The following ANKS1B variants were observed in gnomAD, a reference collection of about 807,000 sequenced individuals.
ANKS1B encodes ankyrin repeat and sterile alpha motif domain-containing protein 1B.
Under a neutral mutation model 148.3 loss-of-function variants are expected in ANKS1B, and 36 were observed. The observed-to-expected ratio is 0.24, with a 90% CI of 0.19 to 0.32. ANKS1B has a LOEUF of 0.32. Among genes scored for constraint, ANKS1B ranks in the 10% least tolerant of loss-of-function variants. The probability of loss-of-function intolerance (pLI) is 1.00; values close to 1 mark genes in which losing one functional copy is unlikely to be tolerated. For synonymous variants in ANKS1B, 542 were observed against 560.8 expected, an observed-to-expected ratio of 0.97 and a Z score of 0.47; for missense variants, 1,157 against 1,542.6, an observed-to-expected ratio of 0.75 and a Z score of 4.19.
chr12:99,088,233 T>C (rs2052647782), intron 15 of ANKS1B, among the ~76,000 whole-genome samples: 1 of 152,090 alleles, frequency 6.6e-6, no homozygotes. Flanking sequence ...GCCAAAAATA[T>C]CCTAGTACAT....
At chr12:98,974,138 C>T (rs143308094) in intron 17 of ANKS1B, among the ~76,000 whole-genome samples, 70 of 152,240 alleles carry the variant, frequency 4.6e-4, no homozygotes, top group African/African-American at 1.6e-3. Flanking sequence ...ATTTTGACTT[C>T]TTAACTCGAA....
At chr12:99,389,838 G>A (rs76654336) in intron 12 of ANKS1B, among the ~76,000 whole-genome samples, 5 of 152,192 alleles carry the variant, frequency 3.3e-5, no homozygotes, top group Admixed American at 2.0e-4. Flanking sequence ...AAACTACTGC[G>A]CCCTTGCCTC....
intron 2 of ANKS1B, among the ~76,000 whole-genome samples, chr12:99,824,431 C>T (rs2082903223): frequency 1.3e-5 from 2 of 151,002 alleles, no homozygotes; most frequent in Admixed American, 6.6e-5. Flanking sequence ...ATCCAGGAGG[C>T]GGAGGTTGCA....
chr12:99,352,913 T>C (rs900317889), intron 12 of ANKS1B, among the ~76,000 whole-genome samples: 2 of 152,042 alleles, frequency 1.3e-5, no homozygotes, highest in Non-Finnish European at 2.9e-5. Flanking sequence ...TCAATAACTT[T>C]TAAAAACTAA....
At chr12:99,811,875 A>G (rs2068418232) in intron 3 of ANKS1B, among the ~76,000 whole-genome samples, 1 of 151,852 alleles carries the variant, frequency 6.6e-6, no homozygotes, top group Non-Finnish European at 1.5e-5. Flanking sequence ...TAAATATTCA[A>G]TGGCTATAAA....
chr12:99,805,247 T>C (rs1236793812), intron 4 of ANKS1B, among the ~76,000 whole-genome samples: 4 of 50,806 alleles, frequency 7.9e-5, no homozygotes, highest in Admixed American at 3.0e-4. Flanking sequence ...GAAATAACCA[T>C]GAAAGGAGGA....
intron 14 of ANKS1B, among the ~76,000 whole-genome samples, chr12:99,190,673 C>T (rs537909310): frequency 6.6e-6 from 1 of 152,236 alleles, no homozygotes; most frequent in East Asian, 1.9e-4. Flanking sequence ...CCCTTCCTTA[C>T]ACCTTATACA....
At chr12:98,899,095 T>C (rs2099768701) in intron 17 of ANKS1B, among the ~76,000 whole-genome samples, 1 of 152,200 alleles carries the variant, frequency 6.6e-6, no homozygotes, top group South Asian at 2.1e-4. Flanking sequence ...TTTAGAGGAA[T>C]AGGATTTTAA....
chr12:99,609,592 G>A (rs1233960513), intron 9 of ANKS1B, among the ~76,000 whole-genome samples: 1 of 151,468 alleles, frequency 6.6e-6, no homozygotes, highest in African/African-American at 2.4e-5. Context: ...AAAACAGAGA[G>A]CATTCAGGGA....
At chr12:98,880,104 C>T (rs780603377) in intron 17 of ANKS1B, among the ~76,000 whole-genome samples, 15 of 152,186 alleles carry the variant, frequency 9.9e-5, no homozygotes, top group Non-Finnish European at 1.9e-4. Context: ...CACTAGGGTG[C>T]TAACCTTCGG....
intron 1 of ANKS1B, among the ~76,000 whole-genome samples, chr12:99,974,459 T>C (rs1332058628): frequency 1.3e-5 from 2 of 152,118 alleles, no homozygotes; most frequent in Non-Finnish European, 2.9e-5. Context: ...GTTTATATAA[T>C]CCAATAAAAA....
chr12:99,175,362 T>C (rs1280667797), intron 14 of ANKS1B, among the ~76,000 whole-genome samples: 2 of 152,206 alleles, frequency 1.3e-5, no homozygotes, highest in Non-Finnish European at 2.9e-5. Flanking sequence ...TAATAAGACA[T>C]CTTGGGAAAG....
rs148270150 is a variant in ANKS1B, at chr12:99,312,027, T to C, written c.1757-65163A>G. ...TATTAGAGAGTGTACTCGAAGCATT[T>C]GGAGAAATTTTAGAAAGAGATTGTC... On this transcript the variant is annotated intron_variant, in intron 12 of 26. Coordinates refer to ENST00000683438, the MANE Select transcript of ANKS1B (RefSeq NM_001352186.2). Among the ~76,000 whole-genome samples the C allele has an allele frequency of 5.1e-3, 784 of 152,242 alleles. 5 individuals are homozygous for C. Among genetic ancestry groups the C allele is most frequent in the Non-Finnish European group, 8.2e-3 (559 of 67,986 alleles).
chr12:98,747,550 T>A (rs1216477178), intron 26 of ANKS1B, among the ~76,000 whole-genome samples: 1 of 152,144 alleles, frequency 6.6e-6, no homozygotes, highest in Admixed American at 6.5e-5. Flanking sequence ...GCATGGAGGG[T>A]CCTCAAAAAA....
intron 2 of ANKS1B, among the ~76,000 whole-genome samples, chr12:99,823,003 T>C (rs1267287075): frequency 6.6e-6 from 1 of 152,194 alleles, no homozygotes; most frequent in East Asian, 1.9e-4. Flanking sequence ...TGTGAAATGG[T>C]TTCTCTGTGG....
chr12:99,588,163 C>T (rs2097663053), intron 9 of ANKS1B, among the ~76,000 whole-genome samples: 1 of 151,842 alleles, frequency 6.6e-6, no homozygotes, highest in South Asian at 2.1e-4. Context: ...CAGTAAAATG[C>T]TACACCACTG....
At chr12:99,074,998 GAA>G (rs1231588481) in intron 16 of ANKS1B, among the ~76,000 whole-genome samples, 1 of 152,152 alleles carries the variant, frequency 6.6e-6, no homozygotes. Context: ...ATCCCAGAGA[GAA>G]GATGTTGTAA....
chr12:99,670,914 T>C (rs920196471), intron 8 of ANKS1B, among the ~76,000 whole-genome samples: 1 of 152,094 alleles, frequency 6.6e-6, no homozygotes, highest in Non-Finnish European at 1.5e-5. Flanking sequence ...GAAAAATAAA[T>C]CAGGGCTCTA....
At chr12:98,823,594 A>G (rs1296282144) in intron 19 of ANKS1B, among the ~76,000 whole-genome samples, 1 of 152,164 alleles carries the variant, frequency 6.6e-6, no homozygotes, top group African/African-American at 2.4e-5. Flanking sequence ...GGTTCAAGCA[A>G]TTCTCCTGTC....
Sources: allele counts gnomAD v4.1 joint callset (sites outside exome capture counted in the v4.1 genomes callset), GRCh38; gene constraint gnomAD v4.1.1; transcripts MANE v1.5; gene names NCBI Gene and HGNC (gene_info 2026-07-23, HGNC 2026-07-21).